FAM3B: variants seen among roughly 807,000 people sequenced by gnomAD.
The protein encoded by FAM3B is FAM3 metabolism regulating signaling molecule B, also known as protein FAM3B.
Under a neutral mutation model 28.4 loss-of-function variants are expected in FAM3B, and 29 were observed. That is an observed-to-expected ratio of 1.02 (90% CI 0.76 to 1.39). The LOEUF (loss-of-function observed/expected upper bound fraction) is 1.39, where lower values mean the gene tolerates loss of function less well. Ranked by LOEUF, FAM3B falls within the 40% of genes most tolerant of loss-of-function variation. The pLI is 0.00. For synonymous variants in FAM3B, 91 were observed against 103.0 expected (o/e 0.88, Z 0.71); for missense variants, 266 against 293.9 (o/e 0.91, Z 0.69).
At chr21:41,337,226 G>A (rs2088963525) in intron 2 of FAM3B, among the ~76,000 whole-genome samples, 2 of 152,222 alleles carry the variant, frequency 1.3e-5, no homozygotes, top group Admixed American at 1.3e-4. Flanking sequence ...AACTTAAGGT[G>A]AGAGAGTGAG....
At chr21:41,349,327 A>G (rs551994338) in intron 7 of FAM3B, among the ~76,000 whole-genome samples, 2 of 152,352 alleles carry the variant, frequency 1.3e-5, no homozygotes, top group African/African-American at 2.4e-5. Context: ...GCATCCGATG[A>G]CAATCACAAC....
chr21:41,316,867 C>A lies in FAM3B; in HGVS notation c.-13C>A. 7.0e-7 allele frequency: 1 copy of A among 1,424,322 alleles called. No individual in the cohort carries two copies. Among genetic ancestry groups the A allele is most frequent in the Non-Finnish European group, 9.2e-7 (1 of 1,091,234 alleles). 88.2% of individuals were successfully genotyped at this position (1,424,322 alleles called of 1,614,324 possible). ...GCTGCCGCCAGGGCCAGGAGGGGAG[C>A]GGCACCTGGAAGATGCGCCCATTGG... On this transcript the variant is annotated 5_prime_UTR_variant, in exon 1 of 8. Coordinates refer to ENST00000357985, the MANE Select transcript of FAM3B (RefSeq NM_058186.4).
At chr21:41,314,393 G>A (rs2088732688), upstream of FAM3B, among the ~76,000 whole-genome samples, 1 of 152,160 alleles carries the variant, frequency 6.6e-6, no homozygotes, top group South Asian at 2.1e-4. Flanking sequence ...AGGAGACTAA[G>A]GCACCATGGC....
At chr21:41,336,866 A>G (rs181985896) in intron 2 of FAM3B, among the ~76,000 whole-genome samples, 337 of 152,320 alleles carry the variant, frequency 2.2e-3, no homozygotes, top group Admixed American at 3.7e-3. Context: ...CTTGAAGTCT[A>G]TTTAAACTGA....
intron 1 of FAM3B, among the ~76,000 whole-genome samples, chr21:41,307,404 T>C (rs1254532362): frequency 6.6e-6 from 1 of 152,246 alleles, no homozygotes; most frequent in African/African-American, 2.4e-5. Context: ...GTAACAGGGC[T>C]ATTTCACTTT....
chr21:41,324,728 T>C (rs1238878136), intron 2 of FAM3B, among the ~76,000 whole-genome samples: 1 of 152,208 alleles, frequency 6.6e-6, no homozygotes, highest in Non-Finnish European at 1.5e-5. Context: ...CAGAGTCTAC[T>C]AGAGAAGAAC....
chr21:41,318,986 A>G (rs1320599010), intron 1 of FAM3B, among the ~76,000 whole-genome samples: 1 of 152,194 alleles, frequency 6.6e-6, no homozygotes, highest in Non-Finnish European at 1.5e-5. Flanking sequence ...TTGAACTTCT[A>G]GGTTCACGAA....
chr21:41,348,076 T>C (rs1348954274), intron 6 of FAM3B, among the ~76,000 whole-genome samples: 2 of 152,252 alleles, frequency 1.3e-5, no homozygotes, highest in African/African-American at 4.8e-5. Context: ...CTTAACTGTT[T>C]ACTTTCCTGT....
intron 2 of FAM3B, among the ~76,000 whole-genome samples, chr21:41,323,388 C>T (rs182604128): frequency 1.9e-4 from 29 of 152,212 alleles, no homozygotes; most frequent in Admixed American, 7.2e-4. Context: ...TCTGAGATCC[C>T]GAATCATTTT....
Position 41,323,076 on chromosome 21 carries a change from G to C in FAM3B, c.163+10G>C. The C allele has an allele frequency of 6.2e-7, 1 of 1,601,876 alleles. No individual in the cohort carries two copies. Among genetic ancestry groups the C allele is most frequent in the Non-Finnish European group, 8.5e-7 (1 of 1,179,688 alleles). Reference sequence around the variant, plus strand: ...AGGCCTGTCCTCAAAGGTGAGTGCCGTGCTTGGGGCAGACGGCTGCCTTCA... The same window carrying C: ...AGGCCTGTCCTCAAAGGTGAGTGCCCTGCTTGGGGCAGACGGCTGCCTTCA... On this transcript the variant is annotated intron_variant, in intron 2 of 7. Transcript: ENST00000357985.
At position 41,338,438 on chromosome 21, in the gene FAM3B, C is replaced by T; in HGVS notation, c.224C>T (p.Ala75Val). 1 of 1,614,198 alleles carries T rather than the reference C, an allele frequency of 6.2e-7. No homozygotes were observed. The highest frequency in any genetic ancestry group is 8.5e-7 in the Non-Finnish European group (1 of 1,180,026). Residue 75 changes from alanine (A) to valine (V), a missense_variant, in exon 3 of 8, where the codon GCC becomes GTC. Physicochemically the swap from Ala to Val is moderately conservative, Grantham distance 64. Coordinates refer to ENST00000357985, the MANE Select transcript of FAM3B (RefSeq NM_058186.4). Reference sequence around the variant, plus strand: ...ACTCCCTGCCCATCTGACACCTATGCCTACAGGTTACTCAGCGGAGGTGGC... The same window carrying T: ...ACTCCCTGCCCATCTGACACCTATGTCTACAGGTTACTCAGCGGAGGTGGC... The part of the protein sequence containing the change: ...HWTPCPSDTY[A>V]YRLLSGGGRS...
chr21:41,354,746 C>G (rs2089150550), intron 7 of FAM3B, among the ~76,000 whole-genome samples: 1 of 152,054 alleles, frequency 6.6e-6, no homozygotes, highest in Non-Finnish European at 1.5e-5. Context: ...AGGCTTAATA[C>G]CTGGGTGATG....
At chr21:41,317,146 G>A (rs868798238) in intron 1 of FAM3B, among the ~76,000 whole-genome samples, 6 of 152,182 alleles carry the variant, frequency 3.9e-5, no homozygotes, top group Non-Finnish European at 7.3e-5. Context: ...GCCTGTTCCC[G>A]CCGCCCCAGC....
chr21:41,343,491 G>A (rs1454549912), intron 3 of FAM3B, among the ~76,000 whole-genome samples: 1 of 152,066 alleles, frequency 6.6e-6, no homozygotes, highest in Non-Finnish European at 1.5e-5. Context: ...AGTTATTATG[G>A]AATAGTCTCT....
Position 41,325,525 on chromosome 21 carries a change from T to G in FAM3B, c.163+2459T>G, listed in dbSNP as rs118073106. On this transcript the variant is annotated intron_variant, in intron 2 of 7. Transcript: ENST00000357985. Reference sequence around the variant, plus strand: ...ATCATAGTTCCCAAATCAGGAAGTATTTTTAAAAGACAGATTCCTGGACCC... The same window carrying G: ...ATCATAGTTCCCAAATCAGGAAGTAGTTTTAAAAGACAGATTCCTGGACCC... Among the ~76,000 whole-genome samples the G allele has an allele frequency of 1.5e-3, 229 of 152,340 alleles. 2 individuals are homozygous for G. In the East Asian group the frequency reaches 0.021, roughly 14 times the overall value.
At chr21:41,338,125 T>C (rs2088972294) in intron 2 of FAM3B, among the ~76,000 whole-genome samples, 1 of 152,012 alleles carries the variant, frequency 6.6e-6, no homozygotes, top group African/African-American at 2.4e-5. Context: ...TCCCAGCCCT[T>C]ATGAAATTGT....
At position 41,338,472 on chromosome 21, in the gene FAM3B, G is replaced by A. The variant is rs775658058; in HGVS notation, c.258G>A (p.Lys86=). 1.2e-6 allele frequency: 2 copies of A among 1,614,194 alleles called. No individual in the cohort carries two copies. Among genetic ancestry groups the A allele is most frequent in the South Asian group, 2.2e-5 (2 of 91,082 alleles). Residue 86 remains lysine (K), a synonymous_variant, in exon 3 of 8, where the codon AAG becomes AAA. Transcript: ENST00000357985. The part of the protein sequence containing the change: ...YRLLSGGGRS[K]YAKICFEDNL... ...TACTCAGCGGAGGTGGCAGAAGCAA[G>A]TACGCCAAAATCTGCTTTGAGGATA...
intron 1 of FAM3B, among the ~76,000 whole-genome samples, chr21:41,305,833 T>A (rs1467692115): frequency 6.6e-6 from 1 of 152,222 alleles, no homozygotes; most frequent in Non-Finnish European, 1.5e-5. Context: ...TGCTGAAGAT[T>A]AGAGCGGCTG....
intron 2 of FAM3B, among the ~76,000 whole-genome samples, chr21:41,333,423 A>G (rs534130818): frequency 6.6e-6 from 1 of 152,112 alleles, no homozygotes; most frequent in South Asian, 2.1e-4. Flanking sequence ...GTGAGTTCTC[A>G]TGAGATCTTG....
Sources: gnomAD v4.1 joint callset for allele counts (sites outside exome capture counted in the v4.1 genomes callset) on GRCh38, gnomAD v4.1.1 for gene constraint, MANE v1.5 for transcripts, NCBI Gene and HGNC (gene_info 2026-07-23, HGNC 2026-07-21) for gene names.